Variants in DLG2 observed in about 807,000 individuals in gnomAD.
The protein encoded by DLG2 is disks large homolog 2.
In DLG2, 45 loss-of-function variants were observed where a neutral mutation model predicts 132.5. The observed-to-expected ratio is 0.34, with a 90% CI of 0.27 to 0.44. The LOEUF (loss-of-function observed/expected upper bound fraction) is 0.44. Among genes scored for constraint, DLG2 ranks in the 20% least tolerant of loss-of-function variants. The pLI, the probability that DLG2 is intolerant of heterozygous loss-of-function variation, is 1.00. For missense variants in DLG2, 1,045 were observed against 1,196.9 expected (o/e 0.87, Z 1.87); for synonymous variants, 424 against 419.6 (o/e 1.01, Z -0.13).
chr11:85,062,808 A>G (rs2064309232), intron 6 of DLG2, among the ~76,000 whole-genome samples: 1 of 151,772 alleles, frequency 6.6e-6, no homozygotes, highest in African/African-American at 2.4e-5. Context: ...AAACCAGAAG[A>G]CTAAAAGAGA....
At chr11:85,584,453 G>A (rs1194426736) in intron 3 of DLG2, among the ~76,000 whole-genome samples, 1 of 151,886 alleles carries the variant, frequency 6.6e-6, no homozygotes. Context: ...GTTATAAATT[G>A]TGCTGCTATA....
At chr11:84,331,201 C>T (rs1405384793) in intron 7 of DLG2, among the ~76,000 whole-genome samples, 2 of 152,052 alleles carry the variant, frequency 1.3e-5, no homozygotes, top group South Asian at 2.1e-4. Context: ...CTGGAGCTAC[C>T]ATTTATTGAT....
chr11:84,264,555 T>C (rs938005725), intron 7 of DLG2, among the ~76,000 whole-genome samples: 1 of 152,044 alleles, frequency 6.6e-6, no homozygotes, highest in Non-Finnish European at 1.5e-5. Context: ...GGGAGTAGGT[T>C]GTTTTCTGGT....
At chr11:84,116,667 G>T (rs1278429115) in intron 9 of DLG2, among the ~76,000 whole-genome samples, 4 of 152,192 alleles carry the variant, frequency 2.6e-5, no homozygotes, top group African/African-American at 7.2e-5. Context: ...AGTTCAAGAT[G>T]AGATTTGGGT....
At chr11:84,117,142 T>C (rs911419543) in intron 9 of DLG2, among the ~76,000 whole-genome samples, 4 of 152,194 alleles carry the variant, frequency 2.6e-5, no homozygotes, top group African/African-American at 4.8e-5. Flanking sequence ...ACCCTAATCC[T>C]TACAAATGAA....
chr11:84,358,378 T>A (rs1313406437), intron 7 of DLG2, among the ~76,000 whole-genome samples: 2 of 151,612 alleles, frequency 1.3e-5, no homozygotes, highest in African/African-American at 2.4e-5. Flanking sequence ...TTTTTTTTTT[T>A]TTTTTTAGAG....
intron 2 of DLG2, among the ~76,000 whole-genome samples, chr11:85,625,428 AG>A (rs1252696182): frequency 6.6e-6 from 1 of 152,220 alleles, no homozygotes; most frequent in Non-Finnish European, 1.5e-5. Context: ...TGGTATTATT[AG>A]AAACAGCAGG....
chr11:83,875,402 A>T (rs934696515), intron 15 of DLG2, among the ~76,000 whole-genome samples: 6 of 152,196 alleles, frequency 3.9e-5, no homozygotes, highest in African/African-American at 1.4e-4. Context: ...ATTGAGATAC[A>T]GAGAGGATTA....
At chr11:85,167,418 C>CAA (rs2078532435) in intron 4 of DLG2, among the ~76,000 whole-genome samples, 1 of 152,082 alleles carries the variant, frequency 6.6e-6, no homozygotes, top group African/African-American at 2.4e-5. Flanking sequence ...CATGCTACCC[C>CAA]AAAATAGGGC....
intron 3 of DLG2, among the ~76,000 whole-genome samples, chr11:85,354,683 T>G (rs951816047): frequency 3.9e-5 from 6 of 152,106 alleles, no homozygotes; most frequent in Non-Finnish European, 2.9e-5. Flanking sequence ...AACTGCCAAA[T>G]CATTACCAGG....
chr11:84,945,831 T>C (rs1190322012), intron 6 of DLG2, among the ~76,000 whole-genome samples: 1 of 152,096 alleles, frequency 6.6e-6, no homozygotes, highest in African/African-American at 2.4e-5. Flanking sequence ...GCATCCGACA[T>C]CTACTGGGAT....
rs4357713 is a variant in DLG2 at position 83,588,259 on chromosome 11, A to C, written c.1940+44952T>G. 3.1e-3 allele frequency among the ~76,000 whole-genome samples: 460 copies of C among 148,156 alleles called. 7 individuals are homozygous for C. The highest frequency in any genetic ancestry group is 0.012 in the African/African-American group (449 of 38,504). On this transcript the variant is annotated intron_variant, in intron 19 of 27. Coordinates refer to ENST00000376104, the MANE Select transcript of DLG2 (RefSeq NM_001142699.3). ...GTCTGACAGCTTTGAAGAGAGCAGT[A>C]GTTCTCCCAGCACGCAGCTGGAGAT...
At chr11:83,904,368 A>C (rs1210246683) in intron 15 of DLG2, among the ~76,000 whole-genome samples, 1 of 147,110 alleles carries the variant, frequency 6.8e-6, no homozygotes, top group Non-Finnish European at 1.5e-5. Flanking sequence ...TTAGTGTTAT[A>C]AGCACAATGT....
At chr11:83,925,288 T>C (rs958617498) in intron 15 of DLG2, among the ~76,000 whole-genome samples, 1 of 152,170 alleles carries the variant, frequency 6.6e-6, no homozygotes, top group African/African-American at 2.4e-5. Flanking sequence ...GTGTACAGGC[T>C]ATAAAAGGTT....
intron 16 of DLG2, among the ~76,000 whole-genome samples, chr11:83,861,614 G>C (rs986379929): frequency 1.3e-5 from 2 of 152,078 alleles, no homozygotes; most frequent in African/African-American, 4.8e-5. Context: ...AAATAAGCCA[G>C]GCACAGAAAG....
At chr11:83,796,021 T>C (rs567166459) in intron 17 of DLG2, among the ~76,000 whole-genome samples, 2 of 152,364 alleles carry the variant, frequency 1.3e-5, no homozygotes, top group African/African-American at 4.8e-5. Flanking sequence ...CAATTCAAAC[T>C]GAGTTGTGTA....
chr11:83,629,892 CTTTA>C (rs1386493474), intron 19 of DLG2, among the ~76,000 whole-genome samples: 2 of 152,100 alleles, frequency 1.3e-5, no homozygotes, highest in African/African-American at 2.4e-5. Flanking sequence ...ATATTTGTAA[CTTTA>C]TTTACTTTTA....
intron 17 of DLG2, among the ~76,000 whole-genome samples, chr11:83,819,049 G>A (rs1348489482): frequency 6.6e-6 from 1 of 152,044 alleles, no homozygotes; most frequent in Non-Finnish European, 1.5e-5. Flanking sequence ...GAAACAGTGT[G>A]ATTTTTTCTG....
intron 4 of DLG2, among the ~76,000 whole-genome samples, chr11:85,210,169 T>G (rs1326662298): frequency 6.6e-6 from 1 of 152,140 alleles, no homozygotes; most frequent in East Asian, 1.9e-4. Context: ...TAAAGACATA[T>G]TTTTTTGGGT....
Sources: allele counts gnomAD v4.1 joint callset (sites outside exome capture counted in the v4.1 genomes callset), GRCh38; gene constraint gnomAD v4.1.1; transcripts MANE v1.5; gene names NCBI Gene and HGNC (gene_info 2026-07-23, HGNC 2026-07-21).